PKD2: variants seen among roughly 807,000 people sequenced by gnomAD.
PKD2 encodes the protein polycystin-2.
Under a neutral mutation model 105.9 loss-of-function variants are expected in PKD2, and 48 were observed. That is an observed-to-expected ratio of 0.45 (90% CI 0.36 to 0.58). PKD2 has a LOEUF of 0.58. PKD2 is among the 20% of genes least tolerant of loss of function. PKD2 has a pLI of 0.00. For synonymous variants in PKD2, 464 were observed against 481.1 expected, an observed-to-expected ratio of 0.96 and a Z score of 0.46; for missense variants, 1,078 against 1,255.3, an observed-to-expected ratio of 0.86 and a Z score of 2.13.
Position 88,036,314 on chromosome 4 carries a change from T to C in PKD2, c.804T>C (p.Thr268=), listed in dbSNP as rs770524095. Residue 268 remains threonine (T), a synonymous_variant, in exon 3 of 15, where the codon ACT becomes ACC. Coordinates refer to ENST00000237596, the MANE Select transcript of PKD2 (RefSeq NM_000297.4). ...CCCCCGTGTCCAAAACGGAGAAAAC[T>C]AACTTTAAAACTCTGTCTTCCATGG... The part of the protein sequence containing the change: ...LDTPVSKTEK[T]NFKTLSSMED... 1.2e-6 allele frequency: 2 copies of C among 1,614,060 alleles called. No individual in the cohort carries two copies. The highest frequency in any genetic ancestry group is 2.2e-5 in the East Asian group (1 of 44,890).
chr4:88,019,766 A>G (rs1303211142), intron 2 of PKD2, among the ~76,000 whole-genome samples, 195 bp downstream of exon 2: 1 of 152,210 alleles, frequency 6.6e-6, no homozygotes, highest in Non-Finnish European at 1.5e-5. Flanking sequence ...TGCAAGCTTT[A>G]TAAGAGAAGG....
At position 88,077,651 on chromosome 4, in the gene PKD2, A is replaced by G. The variant is rs1721278130; in HGVS notation, c.*1957A>G. On this transcript the variant is annotated 3_prime_UTR_variant, in exon 15 of 15. Coordinates refer to ENST00000237596, the MANE Select transcript of PKD2 (RefSeq NM_000297.4). Reference sequence around the variant, plus strand: ...CTCCCCCCCTCATCTCTTCCCTATTATCTTTCCCTGTGTACTGGTATTATT... The same window carrying G: ...CTCCCCCCCTCATCTCTTCCCTATTGTCTTTCCCTGTGTACTGGTATTATT... The G allele has an allele frequency of 6.6e-6, 1 of 152,080 alleles. No homozygotes were observed. Among genetic ancestry groups the G allele is most frequent in the Non-Finnish European group, 1.5e-5 (1 of 67,996 alleles). 9.4% of individuals were successfully genotyped at this position (152,080 alleles called of 1,614,324 possible).
At chr4:88,039,479 ACATGGT>A (rs1362277829) in intron 4 of PKD2, among the ~76,000 whole-genome samples, 2 of 152,070 alleles carry the variant, frequency 1.3e-5, no homozygotes, top group Non-Finnish European at 2.9e-5. Context: ...AGCCTAGCCA[ACATGGT>A]GAAACCCTGA....
intron 1 of PKD2, among the ~76,000 whole-genome samples, chr4:88,010,319 AAT>A (rs1726342296): frequency 6.6e-6 from 1 of 152,234 alleles, no homozygotes. Flanking sequence ...TTTATGAAGA[AAT>A]ATAATTGATA....
chr4:88,011,173 ATTC>A (rs1422329530), intron 1 of PKD2, among the ~76,000 whole-genome samples: 3 of 152,188 alleles, frequency 2.0e-5, no homozygotes, highest in African/African-American at 7.2e-5. Context: ...GTATTTGTTT[ATTC>A]TTTTCTTAGC....
chr4:88,046,535 C>T, intron 5 of PKD2, 107 bp from the exon 6 acceptor site: 1 of 759,850 alleles, frequency 1.3e-6, no homozygotes, highest in Non-Finnish European at 2.4e-6. Context: ...CTCATGGTAG[C>T]AGTTTCATTA....
chr4:88,057,002 G>A (rs536373445), intron 8 of PKD2, among the ~76,000 whole-genome samples: 3 of 150,760 alleles, frequency 2.0e-5, no homozygotes, highest in African/African-American at 7.4e-5. Context: ...GTTTTGTTTT[G>A]TTTTTGAGGC....
At chr4:88,036,044 TA>T in intron 2 of PKD2, 175 bp from the exon 3 acceptor site, 1 of 903,280 alleles carries the variant, frequency 1.1e-6, no homozygotes, top group East Asian at 2.5e-5. Flanking sequence ...AAGCCAGAGA[TA>T]TAGAGAGATA....
intron 7 of PKD2, 107 bp from the exon 8 acceptor site, chr4:88,055,979 A>C: frequency 1.2e-6 from 1 of 810,314 alleles, no homozygotes; most frequent in Non-Finnish European, 2.2e-6. Context: ...TCCATGTTGT[A>C]ACCTGTCAGA....
intron 3 of PKD2, among the ~76,000 whole-genome samples, chr4:88,037,494 C>G (rs1727379526): frequency 6.6e-6 from 1 of 152,016 alleles, no homozygotes; most frequent in South Asian, 2.1e-4. Context: ...CTTACTACAC[C>G]CTGGGGTCAG....
chr4:88,038,586 C>T, intron 4 of PKD2, 85 bp downstream of exon 4: 2 of 1,423,290 alleles, frequency 1.4e-6, no homozygotes, highest in South Asian at 1.2e-5. Context: ...CATTCCCTGA[C>T]ACCTTCACCA....
At chr4:88,063,402 A>AT (rs919340300) in intron 10 of PKD2, among the ~76,000 whole-genome samples, 1 of 152,086 alleles carries the variant, frequency 6.6e-6, no homozygotes, top group African/African-American at 2.4e-5. Context: ...GTGGCGACAG[A>AT]TGCCTGTAAT....
chr4:88,064,108 T>C (rs1370868256), intron 10 of PKD2, among the ~76,000 whole-genome samples: 1 of 152,164 alleles, frequency 6.6e-6, no homozygotes, highest in Non-Finnish European at 1.5e-5. Flanking sequence ...TAAGCTGAGA[T>C]TGCACCACTG....
intron 2 of PKD2, among the ~76,000 whole-genome samples, chr4:88,023,519 A>G (rs1726841815): frequency 6.6e-6 from 1 of 152,236 alleles, no homozygotes; most frequent in Non-Finnish European, 1.5e-5. Flanking sequence ...CACCTTGCAT[A>G]GTAGGTAGGG....
chr4:88,056,337 A>T, intron 8 of PKD2, 70 bp downstream of exon 8: 1 of 951,582 alleles, frequency 1.1e-6, no homozygotes, highest in Non-Finnish European at 1.6e-6. Flanking sequence ...ATAAATCTTC[A>T]TATGAGGTTG....
intron 2 of PKD2, 111 bp downstream of exon 2, chr4:88,019,682 C>T (rs1200717997): frequency 1.3e-5 from 9 of 705,922 alleles, no homozygotes; most frequent in Non-Finnish European, 2.3e-5. Context: ...TGGGAAGTTA[C>T]CTTCTTACCT....
Position 88,065,440 on chromosome 4 carries a change from C to G in PKD2, c.2185C>G (p.Leu729Val). ...KNTVDDISES[L>V]RQGGGKLNFD... ...TACCGTGGATGACATTTCAGAGAGT[C>G]TGCGGCAAGGAGGAGGCAAGTTAAA... is the stretch of plus-strand genomic sequence containing the variant. The change falls in exon 11 of 15, where the codon CTG (leucine) becomes GTG (valine). Residue 729 changes from leucine to valine, a missense_variant. Transcript: ENST00000237596. The G allele has an allele frequency of 5.0e-6, 8 of 1,612,996 alleles. No individual in the cohort carries two copies. The highest frequency in any genetic ancestry group is 6.8e-6 in the Non-Finnish European group (8 of 1,178,996).
chr4:88,009,490 A>ATT (rs5860111), intron 1 of PKD2, among the ~76,000 whole-genome samples: 5 of 148,108 alleles, frequency 3.4e-5, no homozygotes, highest in South Asian at 4.2e-4. Context: ...CAATTTTTGG[A>ATT]TTTTTTTTTT....
chr4:88,022,831 T>G (rs1726801025), intron 2 of PKD2, among the ~76,000 whole-genome samples: 1 of 152,176 alleles, frequency 6.6e-6, no homozygotes, highest in African/African-American at 2.4e-5. Context: ...GCCTGTAATC[T>G]CAGCACTTTG....
Sources: allele counts gnomAD v4.1 joint callset (sites outside exome capture counted in the v4.1 genomes callset), GRCh38; gene constraint gnomAD v4.1.1; transcripts MANE v1.5; gene names NCBI Gene and HGNC (gene_info 2026-07-23, HGNC 2026-07-21).